The following PLCE1 variants were observed in gnomAD, a reference collection of about 807,000 sequenced individuals.
PLCE1 encodes the protein phospholipase C epsilon 1.
A neutral mutation model predicts 242.8 loss-of-function variants in PLCE1; 119 were observed. The observed-to-expected ratio is 0.49, with a 90% CI of 0.42 to 0.57. The LOEUF is 0.57. Ranked by LOEUF, PLCE1 falls within the 20% of genes least tolerant of loss-of-function variation. The pLI is 0.00. For synonymous variants in PLCE1, 945 were observed against 1,017.4 expected (o/e 0.93, Z 1.35); for missense variants, 2,441 against 2,788.8 (o/e 0.88, Z 2.81).
chr10:94,285,102 AAT>A (rs1309869193), intron 22 of PLCE1, 137 bp downstream of exon 22: 4 of 626,136 alleles, frequency 6.4e-6, no homozygotes, highest in African/African-American at 5.5e-5. Flanking sequence ...ATACCTCCTA[AAT>A]ATCTTTATTA....
chr10:94,322,017 CA>C lies in PLCE1; in HGVS notation c.6462del (p.Ala2155HisfsTer25), dbSNP rs1468632155. On this transcript the variant is annotated frameshift_variant, in exon 30 of 33. Transcript: ENST00000371380. LOFTEE classifies it high-confidence loss of function. ...VSPEQPRTVI[K>X]APRVSTAQDV... Reference sequence around the variant, plus strand: ...CTCCAGAGCAACCTCGAACAGTCATCAAAGCACCCCGCGTCAGCACTGCACA... The same window carrying C: ...CTCCAGAGCAACCTCGAACAGTCATCAAGCACCCCGCGTCAGCACTGCACA... 4 of 1,614,150 alleles carry C rather than the reference CA, an allele frequency of 2.5e-6. No individual in the cohort carries two copies. The highest frequency in any genetic ancestry group is 3.4e-6 in the Non-Finnish European group (4 of 1,180,020).
chr10:94,024,516 T>C (rs2134411888), intron 1 of PLCE1, among the ~76,000 whole-genome samples: 1 of 152,250 alleles, frequency 6.6e-6, no homozygotes, highest in Non-Finnish European at 1.5e-5. Flanking sequence ...ATACAGGTAA[T>C]TACTACCTTA....
At chr10:94,202,915 C>T (rs1419223968) in intron 4 of PLCE1, among the ~76,000 whole-genome samples, 1 of 152,172 alleles carries the variant, frequency 6.6e-6, no homozygotes, top group Non-Finnish European at 1.5e-5. Context: ...CTTTGTGATT[C>T]TTTCCTGGTT....
intron 5 of PLCE1, among the ~76,000 whole-genome samples, chr10:94,231,002 A>G (rs1451397924): frequency 6.6e-6 from 1 of 152,196 alleles, no homozygotes; most frequent in African/African-American, 2.4e-5. Context: ...CCTCAGCAAT[A>G]TTTATATGCC....
rs141601481 is a variant in PLCE1 at position 94,102,676 on chromosome 10, C to T, written c.1207-29498C>T. ...AGGCCTAGGCCAGAACTCATGCCAG[C>T]GCCTCTCCCATGGCTATCCTGTCTG... On this transcript the variant is annotated intron_variant, in intron 2 of 32. Transcript: ENST00000371380. 6.3e-3 allele frequency among the ~76,000 whole-genome samples: 962 copies of T among 152,294 alleles called. 13 individuals carry two copies. The highest frequency in any genetic ancestry group is 0.022 in the African/African-American group (919 of 41,564).
intron 19 of PLCE1, 60 bp from the exon 20 acceptor site, chr10:94,279,722 A>G (rs369360818): frequency 7.0e-6 from 11 of 1,573,832 alleles, no homozygotes; most frequent in Non-Finnish European, 4.4e-6. Context: ...GTAGTTTTAA[A>G]GGTTATAAAT....
At chr10:94,324,864 A>G in intron 31 of PLCE1, 28 bp from the exon 32 acceptor site, 1 of 1,609,090 alleles carries the variant, frequency 6.2e-7, no homozygotes. Context: ...TTAACCTAAC[A>G]CCAATGGAAG....
intron 7 of PLCE1, among the ~76,000 whole-genome samples, chr10:94,236,844 T>C (rs1036802138): frequency 1.3e-5 from 2 of 152,012 alleles, no homozygotes; most frequent in East Asian, 3.8e-4. Flanking sequence ...GCCATTTAAG[T>C]TCTTAATCTC....
intron 30 of PLCE1, among the ~76,000 whole-genome samples, chr10:94,323,333 T>A (rs1239550100): frequency 6.6e-6 from 1 of 152,232 alleles, no homozygotes; most frequent in Non-Finnish European, 1.5e-5. Context: ...AGACCCTAGA[T>A]CAAGCTGTGT....
intron 2 of PLCE1, among the ~76,000 whole-genome samples, chr10:94,055,349 C>T (rs538984221): frequency 3.3e-5 from 5 of 149,308 alleles, no homozygotes; most frequent in Non-Finnish European, 7.4e-5. Context: ...CTCGCTCTGT[C>T]GCTTGGACTA....
rs2060769964 is a variant in PLCE1, at chr10:93,994,035, G to T, written c.-588G>T. On this transcript the variant is annotated 5_prime_UTR_variant, in exon 1 of 33. Coordinates refer to ENST00000371380, the MANE Select transcript of PLCE1 (RefSeq NM_016341.4). ...CGGCGGGCGGCGGGCTCGCGCGGCG[G>T]GAGGGGCAGCGGCGGCGCGCCCGGG... Among the ~76,000 whole-genome samples the T allele has an allele frequency of 6.6e-6, 1 of 151,614 alleles. No homozygotes were observed. The highest frequency in any genetic ancestry group is 1.5e-5 in the Non-Finnish European group (1 of 67,746).
At chr10:94,138,536 C>G (rs1358102127) in intron 3 of PLCE1, 1 of 477,064 alleles carries the variant, frequency 2.1e-6, no homozygotes, top group African/African-American at 2.0e-5. Flanking sequence ...TGTGGTCATA[C>G]AGTGTGACTC....
At chr10:94,248,090 T>C (rs892089939) in intron 8 of PLCE1, among the ~76,000 whole-genome samples, 1 of 152,258 alleles carries the variant, frequency 6.6e-6, no homozygotes, top group African/African-American at 2.4e-5. Context: ...AATACATTTC[T>C]GACAATTAAA....
chr10:94,028,360 A>G (rs927915160), intron 1 of PLCE1, among the ~76,000 whole-genome samples: 7 of 152,186 alleles, frequency 4.6e-5, no homozygotes, highest in African/African-American at 1.4e-4. Flanking sequence ...AGAGTCCTCC[A>G]TACTTTCCAC....
chr10:94,137,105 A>G (rs1332332024), intron 3 of PLCE1, among the ~76,000 whole-genome samples: 1 of 152,140 alleles, frequency 6.6e-6, no homozygotes, highest in Non-Finnish European at 1.5e-5. Context: ...AGGCAGGAGA[A>G]TGGCGTGAAC....
chr10:94,079,682 C>G (rs2044602144), intron 2 of PLCE1, among the ~76,000 whole-genome samples: 1 of 152,154 alleles, frequency 6.6e-6, no homozygotes, highest in Non-Finnish European at 1.5e-5. Flanking sequence ...TTCAAGAACC[C>G]TCAGGAAAAA....
intron 6 of PLCE1, among the ~76,000 whole-genome samples, chr10:94,235,000 C>T (rs1284424695): frequency 2.6e-5 from 4 of 151,194 alleles, no homozygotes; most frequent in South Asian, 4.2e-4. Context: ...AGTCCCTTAC[C>T]GGGGACCAAA....
chr10:94,284,863 CTGGGAGAAGAATTT>C lies in PLCE1; in HGVS notation c.4935_4948del (p.Gly1646SerfsTer2). On this transcript the variant is annotated frameshift_variant, in exon 22 of 33. Transcript: ENST00000371380. LOFTEE classifies it high-confidence loss of function. The stretch of plus-strand genomic sequence containing the variant: ...CCCTTACCAGGTTTATGATATGGAA[CTGGGAGAAGAATTT>C]TATCTTGATCAGAATAAAAAGGAAA... 6.3e-7 allele frequency: 1 copy of C among 1,595,040 alleles called. No homozygotes were observed. The highest frequency in any genetic ancestry group is 8.6e-7 in the Non-Finnish European group (1 of 1,162,814).
At chr10:94,079,434 C>T (rs1337413568) in intron 2 of PLCE1, among the ~76,000 whole-genome samples, 3 of 152,034 alleles carry the variant, frequency 2.0e-5, no homozygotes, top group Non-Finnish European at 4.4e-5. Flanking sequence ...GAACATCACA[C>T]ACCAGGGCCT....
Sources: allele counts gnomAD v4.1 joint callset (sites outside exome capture counted in the v4.1 genomes callset), GRCh38; gene constraint gnomAD v4.1.1; transcripts MANE v1.5; gene names NCBI Gene and HGNC (gene_info 2026-07-23, HGNC 2026-07-21).